The following PHACTR3 variants were observed in gnomAD, a reference collection of about 807,000 sequenced individuals.
PHACTR3 encodes the protein protein phosphatase 1, regulatory subunit 123.
In PHACTR3, 16 loss-of-function variants were observed where a neutral mutation model predicts 66.8. The ratio of observed to expected loss-of-function variants is 0.24; its 90% CI spans 0.16 to 0.36. The LOEUF (loss-of-function observed/expected upper bound fraction) is 0.36. PHACTR3 is among the 10% of genes least tolerant of loss of function. The pLI, the probability that PHACTR3 is intolerant of heterozygous loss-of-function variation, is 1.00. For synonymous variants in PHACTR3, 323 were observed against 292.1 expected, an observed-to-expected ratio of 1.11 and a Z score of -1.08; for missense variants, 647 against 719.9, an observed-to-expected ratio of 0.90 and a Z score of 1.16.
intron 1 of PHACTR3, among the ~76,000 whole-genome samples, chr20:59,697,994 T>A (rs2146601063): frequency 6.6e-6 from 1 of 152,332 alleles, no homozygotes; most frequent in South Asian, 2.1e-4. Context: ...ACAAATGCTT[T>A]GACTGTCCGT....
intron 1 of PHACTR3, among the ~76,000 whole-genome samples, chr20:59,645,526 C>T (rs2146435999): frequency 6.6e-6 from 1 of 151,668 alleles, no homozygotes; most frequent in African/African-American, 2.4e-5. Flanking sequence ...AAAGCGCTGG[C>T]CCCTGCCAGC....
chr20:59,601,633 A>G (rs927349759), upstream of PHACTR3, among the ~76,000 whole-genome samples: 1 of 152,224 alleles, frequency 6.6e-6, no homozygotes, highest in Non-Finnish European at 1.5e-5. Flanking sequence ...CCGACTTTGA[A>G]GTCCAAAGTC....
At chr20:59,791,681 G>A (rs1159075897) in intron 7 of PHACTR3, among the ~76,000 whole-genome samples, 2 of 151,320 alleles carry the variant, frequency 1.3e-5, no homozygotes, top group Admixed American at 6.6e-5. Flanking sequence ...TTGGTGTGCT[G>A]CACCCATTAA....
chr20:59,794,919 T>A (rs1404221566), intron 7 of PHACTR3, among the ~76,000 whole-genome samples: 14 of 152,138 alleles, frequency 9.2e-5, no homozygotes, highest in Admixed American at 9.2e-4. Context: ...CCTTCATTTC[T>A]TAGTCTAAAG....
rs371212857 is a variant in PHACTR3 at position 59,654,897 on chromosome 20, A to ATG, written c.118+49777_118+49778dup. Among the ~76,000 whole-genome samples the ATG allele has an allele frequency of 9.0e-3, 1,371 of 151,552 alleles. 25 individuals carry two copies. The highest frequency in any genetic ancestry group is 0.031 in the African/African-American group (1,287 of 41,446). On this transcript the variant is annotated intron_variant, in intron 1 of 12. Coordinates refer to ENST00000371015, the MANE Select transcript of PHACTR3 (RefSeq NM_080672.5). ...TTTTAGAAATTCATTCAGTGTGTGT[A>ATG]TGTGTGTGTGTGTATGTGTTGGTTT...
chr20:59,645,379 G>C (rs1310004362), intron 1 of PHACTR3, among the ~76,000 whole-genome samples: 1 of 152,058 alleles, frequency 6.6e-6, no homozygotes, highest in Admixed American at 6.6e-5. Context: ...GGGAGGTGGA[G>C]GGAGGAAGGA....
chr20:59,577,868 G>A (rs897138290), intron 1 of PHACTR3, among the ~76,000 whole-genome samples: 1 of 152,260 alleles, frequency 6.6e-6, no homozygotes, highest in African/African-American at 2.4e-5. Context: ...GGTCAGAAGC[G>A]CTGGCGTTGG....
At chr20:59,670,850 G>A (rs757101556) in intron 1 of PHACTR3, among the ~76,000 whole-genome samples, 15 of 152,158 alleles carry the variant, frequency 9.9e-5, no homozygotes, top group South Asian at 2.1e-4. Context: ...TCCCCAGTCC[G>A]GCACTTATTC....
At chr20:59,788,313 C>T (rs1287130183) in intron 7 of PHACTR3, among the ~76,000 whole-genome samples, 1 of 152,324 alleles carries the variant, frequency 6.6e-6, no homozygotes, top group Non-Finnish European at 1.5e-5. Flanking sequence ...GCCCAGAAGG[C>T]CTGCCTGGGC....
intron 1 of PHACTR3, among the ~76,000 whole-genome samples, chr20:59,704,155 T>G (rs567098698): frequency 6.6e-6 from 1 of 152,290 alleles, no homozygotes; most frequent in East Asian, 1.9e-4. Flanking sequence ...GGCCTTCCCA[T>G]CGGCAAGGAA....
chr20:59,757,035 G>A (rs2146828995), intron 4 of PHACTR3, among the ~76,000 whole-genome samples: 1 of 152,360 alleles, frequency 6.6e-6, no homozygotes, highest in Admixed American at 6.5e-5. Flanking sequence ...CCACCACAAA[G>A]TGGGTGAAGG....
At chr20:59,786,433 TC>T (rs1268108611) in intron 7 of PHACTR3, among the ~76,000 whole-genome samples, 1 of 152,232 alleles carries the variant, frequency 6.6e-6, no homozygotes, top group East Asian at 1.9e-4. Flanking sequence ...TGCTGTGGCC[TC>T]CTGCTCCTCT....
Position 59,673,026 on chromosome 20 carries a change from G to A in PHACTR3, c.118+67894G>A, listed in dbSNP as rs968449947. Among the ~76,000 whole-genome samples the A allele has an allele frequency of 3.3e-4, 50 of 152,312 alleles. 1 individual carries two copies. The highest frequency in any genetic ancestry group is 1.1e-3 in the African/African-American group (46 of 41,562). ...CCTGCAGGTTGGATGTGTCTGTTAC[G>A]GTGAGCTGCAAGCAATCTGAGGGCA... On this transcript the variant is annotated intron_variant, in intron 1 of 12. Coordinates refer to ENST00000371015, the MANE Select transcript of PHACTR3 (RefSeq NM_080672.5).
chr20:59,687,813 C>T (rs908428499), intron 1 of PHACTR3, among the ~76,000 whole-genome samples: 2 of 152,020 alleles, frequency 1.3e-5, no homozygotes, highest in African/African-American at 4.8e-5. Flanking sequence ...TGTGCTAGGA[C>T]ACGCTTTGAG....
intron 8 of PHACTR3, among the ~76,000 whole-genome samples, chr20:59,827,800 G>C (rs1484761193): frequency 2.0e-5 from 3 of 152,158 alleles, no homozygotes; most frequent in Non-Finnish European, 4.4e-5. Context: ...AGAGGCATGG[G>C]ACACCTTCCC....
In PHACTR3 at chr20:59,731,191, A is replaced by G. The variant is rs1055496793; in HGVS notation, c.119-11916A>G. On this transcript the variant is annotated intron_variant, in intron 1 of 12. Coordinates refer to ENST00000371015, the MANE Select transcript of PHACTR3 (RefSeq NM_080672.5). The stretch of plus-strand genomic sequence containing the variant: ...ATTATTTCTCTAAATTTCTACTACA[A>G]TACTAAAGTCTCCTGATGTGTTATT... 2.6e-5 allele frequency among the ~76,000 whole-genome samples: 4 copies of G among 152,314 alleles called. No individual in the cohort carries two copies. In the South Asian group the frequency reaches 6.2e-4, roughly 24 times the overall value.
At chr20:59,772,099 A>T (rs905110190) in intron 5 of PHACTR3, among the ~76,000 whole-genome samples, 57 of 151,600 alleles carry the variant, frequency 3.8e-4, no homozygotes, top group Admixed American at 7.9e-4. Flanking sequence ...AGCTTCAGTG[A>T]CTTGCCCAGA....
chr20:59,633,776 C>T (rs1384799330), intron 1 of PHACTR3, among the ~76,000 whole-genome samples: 1 of 152,112 alleles, frequency 6.6e-6, no homozygotes, highest in Admixed American at 6.5e-5. Flanking sequence ...AATAATGAGT[C>T]ACCCATGCCC....
chr20:59,617,107 G>A (rs770848247), intron 1 of PHACTR3, among the ~76,000 whole-genome samples: 13 of 151,960 alleles, frequency 8.6e-5, no homozygotes, highest in Non-Finnish European at 1.6e-4. Flanking sequence ...TTTTTCTTTA[G>A]GGATTTGTGT....
Sources: allele counts gnomAD v4.1 joint callset (sites outside exome capture counted in the v4.1 genomes callset), GRCh38; gene constraint gnomAD v4.1.1; transcripts MANE v1.5; gene names NCBI Gene and HGNC (gene_info 2026-07-23, HGNC 2026-07-21).